Variants in SEMA3D observed in about 807,000 individuals in gnomAD.
The protein encoded by SEMA3D is semaphorin 3D.
A neutral mutation model predicts 100.1 loss-of-function variants in SEMA3D; 84 were observed. The ratio of observed to expected loss-of-function variants is 0.84; its 90% CI spans 0.70 to 1.01. SEMA3D has a LOEUF of 1.01. Ranked by LOEUF, SEMA3D falls within the 50% of genes least tolerant of loss-of-function variation. SEMA3D has a pLI of 0.00. For synonymous variants in SEMA3D, 312 were observed against 320.7 expected (o/e 0.97, Z 0.29); for missense variants, 875 against 934.1 (o/e 0.94, Z 0.82).
chr7:85,083,535 G>C (rs1292050744), intron 4 of SEMA3D, among the ~76,000 whole-genome samples: 1 of 152,142 alleles, frequency 6.6e-6, no homozygotes, highest in African/African-American at 2.4e-5. Flanking sequence ...CAAAAATACT[G>C]GACTGAGTGC....
chr7:85,115,643 T>A (rs1387572919), intron 3 of SEMA3D, among the ~76,000 whole-genome samples: 3 of 152,134 alleles, frequency 2.0e-5, no homozygotes, highest in Non-Finnish European at 2.9e-5. Flanking sequence ...TATAGTCAAA[T>A]GGACAGACCT....
chr7:85,083,724 G>A (rs1233147111), intron 4 of SEMA3D, among the ~76,000 whole-genome samples: 3 of 151,702 alleles, frequency 2.0e-5, no homozygotes, highest in East Asian at 3.9e-4. Context: ...GCGGGCGCCT[G>A]TAGTCCCAGC....
Position 85,027,982 on chromosome 7 carries a change from G to A in SEMA3D, c.1192-5369C>T, listed in dbSNP as rs374497150. 2.4e-5 allele frequency: 14 copies of A among 573,296 alleles called. No homozygotes were observed. The East Asian group carries it at 3.8e-4, about 16-fold the overall frequency. The allele number at this position is 573,296 out of a possible 1,614,324, so 35.5% of individuals were successfully genotyped here. A position where few individuals can be genotyped will look rare whatever the true frequency, so the allele number is the denominator to read the frequency against. ...TTTACGGATACCAAACAATTGATTA[G>A]TGATACTCCAAATAATCAAGTTCCA... On this transcript the variant is annotated intron_variant, in intron 12 of 18. Coordinates refer to ENST00000284136, the MANE Select transcript of SEMA3D (RefSeq NM_001384900.1).
Position 85,008,886 on chromosome 7 carries a change from G to A in SEMA3D, c.1769-1945C>T, listed in dbSNP as rs1269970497. Reference sequence around the variant, plus strand: ...ACAATAATATTAAAAATACTATACAGAATTACCTGAAGGCTATGCGTATAA... The same window carrying A: ...ACAATAATATTAAAAATACTATACAAAATTACCTGAAGGCTATGCGTATAA... On this transcript the variant is annotated intron_variant, in intron 17 of 18. Transcript: ENST00000284136. Among the ~76,000 whole-genome samples the A allele has an allele frequency of 5.9e-5, 9 of 151,714 alleles. No individual in the cohort carries two copies. The East Asian group carries it at 1.6e-3, about 26-fold the overall frequency.
At chr7:85,022,277 A>G in intron 13 of SEMA3D, 114 bp downstream of exon 13, 2 of 699,908 alleles carry the variant, frequency 2.9e-6, no homozygotes, top group South Asian at 1.8e-5. Flanking sequence ...ACAAGGTTTT[A>G]TCTAATAATT....
intron 2 of SEMA3D, among the ~76,000 whole-genome samples, chr7:85,151,380 G>A (rs1475515433): frequency 6.6e-6 from 1 of 151,858 alleles, no homozygotes; most frequent in Non-Finnish European, 1.5e-5. Flanking sequence ...AAGATTTCTG[G>A]AAATTTTTCC....
At chr7:85,166,469 G>A (rs1790908347) in intron 1 of SEMA3D, among the ~76,000 whole-genome samples, 1 of 151,924 alleles carries the variant, frequency 6.6e-6, no homozygotes, top group Non-Finnish European at 1.5e-5. Context: ...AAGAGCAAAG[G>A]AAAGTGATAA....
intron 2 of SEMA3D, among the ~76,000 whole-genome samples, chr7:85,138,517 A>G (rs960271247): frequency 6.6e-6 from 1 of 151,022 alleles, no homozygotes; most frequent in Non-Finnish European, 1.5e-5. Context: ...TATATAAAAC[A>G]TTTACATAAC....
At chr7:85,036,373 G>T (rs978112580) in intron 12 of SEMA3D, among the ~76,000 whole-genome samples, 5 of 151,896 alleles carry the variant, frequency 3.3e-5, no homozygotes, top group African/African-American at 9.7e-5. Flanking sequence ...TTGACTGAGG[G>T]TTTTCTAAAA....
chr7:85,085,861 G>T (rs923402662), intron 4 of SEMA3D, among the ~76,000 whole-genome samples: 4 of 152,154 alleles, frequency 2.6e-5, no homozygotes, highest in African/African-American at 9.7e-5. Flanking sequence ...ATACAAATCT[G>T]TAAAAGATGC....
chr7:85,156,089 G>A (rs990999911), intron 1 of SEMA3D, among the ~76,000 whole-genome samples: 3 of 145,490 alleles, frequency 2.1e-5, no homozygotes. Context: ...GCATTATGCT[G>A]CAATATAAGT....
chr7:85,004,829 T>A (rs1045529611), intron 18 of SEMA3D, among the ~76,000 whole-genome samples: 5 of 152,016 alleles, frequency 3.3e-5, no homozygotes, highest in Non-Finnish European at 7.4e-5. Flanking sequence ...TTTACAAAGA[T>A]AAATGAAAAT....
chr7:85,177,033 G>T (rs1047095398), intron 1 of SEMA3D, among the ~76,000 whole-genome samples: 1 of 152,026 alleles, frequency 6.6e-6, no homozygotes, highest in African/African-American at 2.4e-5. Context: ...TGTAGCCTAG[G>T]AGCAATAGGC....
At chr7:85,092,246 G>C (rs1260827497) in intron 4 of SEMA3D, among the ~76,000 whole-genome samples, 1 of 151,710 alleles carries the variant, frequency 6.6e-6, no homozygotes, top group Non-Finnish European at 1.5e-5. Flanking sequence ...CATTATTTTG[G>C]ACATTTAAAA....
chr7:85,015,004 G>T, intron 16 of SEMA3D, 55 bp downstream of exon 16: 2 of 1,337,810 alleles, frequency 1.5e-6, no homozygotes, highest in Non-Finnish European at 2.1e-6. Flanking sequence ...GCATTAATGT[G>T]AGATATTCAG....
chr7:85,011,362 A>G (rs570644358), intron 17 of SEMA3D, among the ~76,000 whole-genome samples: 16 of 151,958 alleles, frequency 1.1e-4, no homozygotes, highest in African/African-American at 3.9e-4. Flanking sequence ...GATGATGATG[A>G]TTATTAGAAA....
chr7:85,154,922 A>T (rs1049519140), intron 1 of SEMA3D, among the ~76,000 whole-genome samples: 3 of 152,224 alleles, frequency 2.0e-5, no homozygotes, highest in African/African-American at 7.2e-5. Flanking sequence ...AAAGGTATTC[A>T]TTTAAAGATA....
At chr7:85,147,137 T>C (rs995397733) in intron 2 of SEMA3D, among the ~76,000 whole-genome samples, 1 of 144,290 alleles carries the variant, frequency 6.9e-6, no homozygotes, top group Non-Finnish European at 1.5e-5. Flanking sequence ...AGTTTTCCTC[T>C]TGTTGCCCAG....
At chr7:85,033,028 A>G (rs752301818) in intron 12 of SEMA3D, among the ~76,000 whole-genome samples, 2 of 152,088 alleles carry the variant, frequency 1.3e-5, no homozygotes, top group African/African-American at 2.4e-5. Context: ...TGTATGATAA[A>G]TATTAATGTT....
Sources: allele counts gnomAD v4.1 joint callset (sites outside exome capture counted in the v4.1 genomes callset), GRCh38; gene constraint gnomAD v4.1.1; transcripts MANE v1.5; gene names NCBI Gene and HGNC (gene_info 2026-07-23, HGNC 2026-07-21).